The following CPQ variants were observed in gnomAD, a reference collection of about 807,000 sequenced individuals.
CPQ encodes carboxypeptidase Q, also known as Ser-Met dipeptidase.
Under a neutral mutation model 45.7 loss-of-function variants are expected in CPQ, and 37 were observed. The observed-to-expected ratio is 0.81, with a 90% confidence interval of 0.62 to 1.07. CPQ has a LOEUF of 1.07. Ranked by LOEUF, CPQ falls within the 50% of genes least tolerant of loss-of-function variation. The pLI is 0.00. For synonymous variants in CPQ, 186 were observed against 205.8 expected (o/e 0.90, Z 0.82); for missense variants, 537 against 572.9 (o/e 0.94, Z 0.64).
chr8:96,833,629 T>C (rs1187921829), intron 2 of CPQ, among the ~76,000 whole-genome samples: 2 of 152,230 alleles, frequency 1.3e-5, no homozygotes, highest in African/African-American at 2.4e-5. Context: ...CTCTTATTTG[T>C]ATTTTTATGT....
intron 1 of CPQ, among the ~76,000 whole-genome samples, chr8:96,707,772 G>A (rs933243197): frequency 6.6e-6 from 1 of 151,690 alleles, no homozygotes; most frequent in Non-Finnish European, 1.5e-5. Flanking sequence ...GGTTTTACTT[G>A]GCAAAAAATA....
intron 4 of CPQ, among the ~76,000 whole-genome samples, chr8:96,907,946 T>A: frequency 6.6e-6 from 1 of 152,074 alleles, no homozygotes; most frequent in South Asian, 2.1e-4. Context: ...TTTTGTCATA[T>A]AATTGGAGGC....
At chr8:97,049,657 C>G (rs189226335) in intron 6 of CPQ, among the ~76,000 whole-genome samples, 1 of 152,028 alleles carries the variant, frequency 6.6e-6, no homozygotes, top group African/African-American at 2.4e-5. Context: ...GTTAGTGGTG[C>G]GATTAAAATT....
At chr8:96,732,046 T>C (rs915506676) in intron 1 of CPQ, among the ~76,000 whole-genome samples, 22 of 152,058 alleles carry the variant, frequency 1.4e-4, no homozygotes, top group African/African-American at 5.3e-4. Flanking sequence ...AAAAGAGAAG[T>C]CTGAGGCTTG....
intron 5 of CPQ, among the ~76,000 whole-genome samples, chr8:96,978,675 G>T (rs1370235313): frequency 1.3e-5 from 2 of 152,134 alleles, no homozygotes; most frequent in Non-Finnish European, 2.9e-5. Flanking sequence ...GAAGGCATGT[G>T]GTTGTAAAGG....
chr8:96,658,149 A>G (rs1177915289), intron 1 of CPQ, among the ~76,000 whole-genome samples: 3 of 152,248 alleles, frequency 2.0e-5, no homozygotes. Flanking sequence ...AAGGAAGGTT[A>G]GAAAGTGGCT....
At chr8:96,948,897 CCTT>C (rs1053872874) in intron 4 of CPQ, among the ~76,000 whole-genome samples, 1 of 151,870 alleles carries the variant, frequency 6.6e-6, no homozygotes, top group African/African-American at 2.4e-5. Flanking sequence ...TTGTATATGT[CCTT>C]CTTTGTCTCT....
intron 3 of CPQ, among the ~76,000 whole-genome samples, chr8:96,861,958 A>G (rs1047008337): frequency 4.6e-5 from 7 of 152,226 alleles, no homozygotes; most frequent in African/African-American, 1.2e-4. Flanking sequence ...CTTGAAGGAG[A>G]TAGTATGCTA....
chr8:96,762,612 A>G (rs972259471), intron 1 of CPQ, among the ~76,000 whole-genome samples: 2 of 152,184 alleles, frequency 1.3e-5, no homozygotes, highest in African/African-American at 4.8e-5. Context: ...AATAGTATCC[A>G]GGCTCTCTGC....
intron 7 of CPQ, chr8:97,092,360 A>G (rs1362828250): frequency 6.6e-6 from 1 of 152,156 alleles, no homozygotes; most frequent in Non-Finnish European, 1.5e-5. Context: ...CTTTTCCAAT[A>G]GGTACTTCTG....
chr8:97,123,057 TAAAATAAAAA>T (rs1563587099), intron 7 of CPQ, among the ~76,000 whole-genome samples: 886 of 33,484 alleles, frequency 0.026, 138 homozygotes, highest in Admixed American at 0.043. Flanking sequence ...TAAAATAAAA[TAAAATAAAAA>T]AAATAAAATA....
intron 1 of CPQ, among the ~76,000 whole-genome samples, chr8:96,673,268 A>G (rs1442244892): frequency 6.6e-6 from 1 of 152,222 alleles, no homozygotes; most frequent in Non-Finnish European, 1.5e-5. Flanking sequence ...CAAGCAGCTC[A>G]GGAGCAGTGG....
intron 2 of CPQ, among the ~76,000 whole-genome samples, chr8:96,802,420 A>G (rs896475432): frequency 6.6e-6 from 1 of 152,224 alleles, no homozygotes; most frequent in African/African-American, 2.4e-5. Context: ...AAGTGGCTCC[A>G]AAAGAGTCAG....
intron 1 of CPQ, among the ~76,000 whole-genome samples, chr8:96,696,219 C>T (rs1299125287): frequency 2.7e-5 from 4 of 149,100 alleles, no homozygotes; most frequent in African/African-American, 7.4e-5. Flanking sequence ...CATATTCTCA[C>T]TCATAGGTGG....
chr8:97,029,128 G>GTAAACCA (rs1809850461), intron 5 of CPQ, among the ~76,000 whole-genome samples: 1 of 152,128 alleles, frequency 6.6e-6, no homozygotes, highest in African/African-American at 2.4e-5. Flanking sequence ...TGCTGGGCAG[G>GTAAACCA]ATATCAAGTT....
chr8:97,083,327 C>T (rs1291800416), intron 7 of CPQ, among the ~76,000 whole-genome samples: 1 of 152,116 alleles, frequency 6.6e-6, no homozygotes, highest in Non-Finnish European at 1.5e-5. Flanking sequence ...TGGGCATGTA[C>T]TCGACTATCC....
At chr8:96,778,292 A>G (rs887524261) in intron 1 of CPQ, among the ~76,000 whole-genome samples, 6 of 151,814 alleles carry the variant, frequency 4.0e-5, no homozygotes, top group African/African-American at 1.5e-4. Context: ...TCTACTATTT[A>G]TTAATGAAAA....
At chr8:96,991,452 A>G (rs573078155) in intron 5 of CPQ, among the ~76,000 whole-genome samples, 1 of 151,914 alleles carries the variant, frequency 6.6e-6, no homozygotes, top group Non-Finnish European at 1.5e-5. Flanking sequence ...GCTACTCTAG[A>G]GGCTGAGGCA....
At chr8:96,819,744 C>T (rs1200052128) in intron 2 of CPQ, among the ~76,000 whole-genome samples, 1 of 152,042 alleles carries the variant, frequency 6.6e-6, no homozygotes, top group Non-Finnish European at 1.5e-5. Context: ...CTTTGCTCTT[C>T]ATTGGTCAGC....
Sources: gnomAD v4.1 joint callset for allele counts (sites outside exome capture counted in the v4.1 genomes callset) on GRCh38, gnomAD v4.1.1 for gene constraint, MANE v1.5 for transcripts, NCBI Gene and HGNC (gene_info 2026-07-23, HGNC 2026-07-21) for gene names.